The following RANBP17 variants were observed in gnomAD, a reference collection of about 807,000 sequenced individuals.
The protein encoded by RANBP17 is RAN binding protein 17.
RANBP17 carries 158 observed loss-of-function variants against 141.2 expected under a neutral mutation model. That is an observed-to-expected ratio of 1.12 (90% confidence interval 0.98 to 1.28). The LOEUF is 1.28. Ranked by LOEUF, RANBP17 falls within the 50% of genes most tolerant of loss-of-function variation. The probability of loss-of-function intolerance (pLI) is 0.00; values close to 1 mark genes in which losing one functional copy is unlikely to be tolerated. For synonymous variants in RANBP17, 430 were observed against 450.0 expected (o/e 0.96, Z 0.56); for missense variants, 1,438 against 1,290.7 (o/e 1.11, Z -1.75).
At chr5:171,241,946 G>C (rs1314967794) in intron 23 of RANBP17, among the ~76,000 whole-genome samples, 1 of 151,726 alleles carries the variant, frequency 6.6e-6, no homozygotes, top group Non-Finnish European at 1.5e-5. Context: ...CTATTGAGTT[G>C]GTCTTAACAT....
chr5:171,122,222 T>G (rs1756089995), intron 14 of RANBP17, among the ~76,000 whole-genome samples: 1 of 152,214 alleles, frequency 6.6e-6, no homozygotes, highest in Non-Finnish European at 1.5e-5. Flanking sequence ...CCTGCTGTAC[T>G]CTAGTGCTCT....
chr5:171,066,940 T>G (rs1784346263), intron 14 of RANBP17, among the ~76,000 whole-genome samples: 1 of 152,210 alleles, frequency 6.6e-6, no homozygotes, highest in South Asian at 2.1e-4. Flanking sequence ...CAAAGCCATA[T>G]GAAGAAAGTT....
At position 170,953,810 on chromosome 5, in the gene RANBP17, A is replaced by G. The variant is rs1277151564; in HGVS notation, c.1574+108A>G. The G allele has an allele frequency of 2.1e-5, 15 of 706,824 alleles. No individual in the cohort carries two copies. The East Asian group carries it at 4.3e-4, about 20-fold the overall frequency. The allele number at this position is 706,824 out of a possible 1,614,324, so 43.8% of individuals were successfully genotyped here. A position where few individuals can be genotyped will look rare whatever the true frequency, so the allele number is the denominator to read the frequency against. ...CATTTTGTATGTGGCCTTTTGAGGA[A>G]GGTATTATTTCCCTTTTTATTGGTG... On this transcript the variant is annotated intron_variant, in intron 13 of 27. Coordinates refer to ENST00000523189, the MANE Select transcript of RANBP17 (RefSeq NM_022897.5).
intron 25 of RANBP17, among the ~76,000 whole-genome samples, chr5:171,268,281 A>G (rs55818837): frequency 0.13 from 19,403 of 152,218 alleles, 1,494 homozygotes; most frequent in East Asian, 0.21. Flanking sequence ...AGTATTGTCA[A>G]AGAGTTCTCC....
chr5:171,047,441 T>A (rs1320423677), intron 14 of RANBP17, among the ~76,000 whole-genome samples: 1 of 92,960 alleles, frequency 1.1e-5, no homozygotes. Flanking sequence ...TTTTTTGTTT[T>A]GTTTTTTTTT....
chr5:171,004,888 G>A (rs1298754036), intron 14 of RANBP17, among the ~76,000 whole-genome samples: 5 of 152,158 alleles, frequency 3.3e-5, no homozygotes, highest in African/African-American at 7.2e-5. Context: ...GAGCCCCTGC[G>A]AGCTGTGGCT....
At chr5:171,271,075 CTTTTT>C (rs531200106) in intron 25 of RANBP17, 16 of 27,562 alleles carry the variant, frequency 5.8e-4, no homozygotes, top group East Asian at 8.7e-4. Flanking sequence ...TATGTTATTT[CTTTTT>C]TTTTTTTTTT....
chr5:170,971,457 G>A (rs1399096201), intron 14 of RANBP17, among the ~76,000 whole-genome samples: 1 of 152,156 alleles, frequency 6.6e-6, no homozygotes, highest in African/African-American at 2.4e-5. Flanking sequence ...ATGTGTTTAA[G>A]TGGTTCAACC....
chr5:171,252,748 AT>A, intron 24 of RANBP17: 1 of 1,384,062 alleles, frequency 7.2e-7, no homozygotes, highest in South Asian at 1.2e-5. Flanking sequence ...TGGAAGACTT[AT>A]TTGTAGACTT....
chr5:170,977,337 A>T (rs1249694187), intron 14 of RANBP17, among the ~76,000 whole-genome samples: 1 of 152,018 alleles, frequency 6.6e-6, no homozygotes, highest in Non-Finnish European at 1.5e-5. Flanking sequence ...TAAAAAAAAA[A>T]GATAATAACA....
intron 24 of RANBP17, among the ~76,000 whole-genome samples, chr5:171,248,814 C>T (rs1046316430): frequency 6.6e-6 from 1 of 152,180 alleles, no homozygotes; most frequent in African/African-American, 2.4e-5. Context: ...CTCACCCAGC[C>T]TGCACCACTC....
intron 14 of RANBP17, among the ~76,000 whole-genome samples, chr5:171,109,728 C>T (rs908984342): frequency 6.6e-6 from 1 of 152,206 alleles, no homozygotes. Context: ...ATGTTCAGTA[C>T]GGTTGCAACC....
chr5:171,240,867 G>C (rs1764833234), intron 22 of RANBP17, 61 bp from the exon 23 acceptor site: 1 of 1,071,664 alleles, frequency 9.3e-7, no homozygotes, highest in Non-Finnish European at 1.4e-6. Context: ...TAAATAGTGT[G>C]TCCCATAACT....
chr5:171,034,221 C>T (rs770538530), intron 14 of RANBP17, among the ~76,000 whole-genome samples: 8 of 152,252 alleles, frequency 5.3e-5, no homozygotes, highest in Admixed American at 2.0e-4. Context: ...TTTGCCAAAG[C>T]AATAGTAACC....
At chr5:171,239,237 T>A (rs888494903) in intron 22 of RANBP17, among the ~76,000 whole-genome samples, 2 of 152,158 alleles carry the variant, frequency 1.3e-5, no homozygotes, top group Non-Finnish European at 2.9e-5. Context: ...AGCAAAGTTA[T>A]ATGGACTTCT....
At chr5:171,119,154 C>T (rs1755844470) in intron 14 of RANBP17, among the ~76,000 whole-genome samples, 1 of 152,034 alleles carries the variant, frequency 6.6e-6, no homozygotes, top group South Asian at 2.1e-4. Context: ...TTTTATCCTT[C>T]ATTCTATTGA....
chr5:171,107,041 G>A (rs976823713), intron 14 of RANBP17, among the ~76,000 whole-genome samples: 2 of 151,858 alleles, frequency 1.3e-5, no homozygotes, highest in African/African-American at 4.8e-5. Flanking sequence ...TGTTGTTGTT[G>A]TTGTTGTTTT....
intron 14 of RANBP17, among the ~76,000 whole-genome samples, chr5:170,992,446 G>A (rs1778569721): frequency 6.6e-6 from 1 of 152,002 alleles, no homozygotes; most frequent in Non-Finnish European, 1.5e-5. Context: ...GAGCAGGAAA[G>A]ACATTTCATA....
intron 25 of RANBP17, among the ~76,000 whole-genome samples, chr5:171,267,747 CA>C: frequency 6.6e-6 from 1 of 151,744 alleles, no homozygotes; most frequent in Admixed American, 6.6e-5. Flanking sequence ...GCAGAGGTTG[CA>C]GTGAGCGAGA....
Sources: allele counts gnomAD v4.1 joint callset (sites outside exome capture counted in the v4.1 genomes callset), GRCh38; gene constraint gnomAD v4.1.1; transcripts MANE v1.5; gene names NCBI Gene and HGNC (gene_info 2026-07-23, HGNC 2026-07-21).